Variants in LMNB2 observed in about 807,000 individuals in gnomAD.
LMNB2 encodes the protein lamin-B2.
LMNB2 carries 17 observed loss-of-function variants against 69.3 expected under a neutral mutation model. The observed-to-expected ratio is 0.25, with a 90% confidence interval of 0.17 to 0.37. LMNB2 has a LOEUF of 0.37. LMNB2 is among the 10% of genes least tolerant of loss of function. The pLI, the probability that LMNB2 is intolerant of heterozygous loss-of-function variation, is 1.00. For missense variants in LMNB2, 789 were observed against 883.6 expected (o/e 0.89, Z 1.36); for synonymous variants, 397 against 389.3 (o/e 1.02, Z -0.23).
intron 2 of LMNB2, among the ~76,000 whole-genome samples, chr19:2,440,763 CTATCTATCCAT>C (rs1171496908): frequency 1.3e-5 from 2 of 151,850 alleles, no homozygotes; most frequent in East Asian, 1.9e-4. Context: ...CATCCATCAT[CTATCTATCCAT>C]TATCTATCCA....
At chr19:2,456,636 C>T in intron 1 of LMNB2, 34 bp downstream of exon 1, 2 of 1,445,048 alleles carry the variant, frequency 1.4e-6, no homozygotes, top group Non-Finnish European at 1.8e-6. Flanking sequence ...CTGCCGGCTG[C>T]ACCCCCGCCC....
intron 1 of LMNB2, among the ~76,000 whole-genome samples, chr19:2,450,283 T>C (rs933349366): frequency 2.6e-5 from 4 of 152,006 alleles, no homozygotes; most frequent in Non-Finnish European, 5.9e-5. Context: ...GGGGAAACTA[T>C]CAGCCTGGAG....
At position 2,438,152 on chromosome 19, in the gene LMNB2, C is replaced by A; in HGVS notation, c.684+11G>T. ...CGCTGTGCCAGGCTGGAGGCCAGGC[C>A]ACTCACTCACCTCCTCGAACACACT... On this transcript the variant is annotated intron_variant, in intron 4 of 11. Transcript: ENST00000325327. 1 of 1,613,694 alleles carries A rather than the reference C, an allele frequency of 6.2e-7. No individual in the cohort carries two copies. The highest frequency in any genetic ancestry group is 1.1e-5 in the South Asian group (1 of 91,090).
In LMNB2 at chr19:2,447,225, C is replaced by T. The variant is rs545803416; in HGVS notation, c.265-2685G>A. On this transcript the variant is annotated intron_variant, in intron 1 of 11. Transcript: ENST00000325327. The surrounding 1 kb of genome is among the most constrained non-coding windows in gnomAD (Gnocchi z 4.4). ...CAATGCGGTCCCTCCACCATCCACA[C>T]ACAGGAACATGACCCAGCTGTGTAA... Among the ~76,000 whole-genome samples, 50 of 152,166 alleles carry T rather than the reference C, an allele frequency of 3.3e-4. No homozygotes were observed. Among genetic ancestry groups the T allele is most frequent in the African/African-American group, 1.2e-3 (49 of 41,514 alleles).
chr19:2,435,909 G>A (rs1046891376), intron 4 of LMNB2, among the ~76,000 whole-genome samples: 40 of 152,304 alleles, frequency 2.6e-4, no homozygotes, highest in African/African-American at 9.6e-4. Flanking sequence ...CCAGCACTTT[G>A]GGAGGCTGAG....
chr19:2,450,110 A>G (rs541485616), intron 1 of LMNB2, among the ~76,000 whole-genome samples: 1 of 144,466 alleles, frequency 6.9e-6, no homozygotes, highest in East Asian at 2.3e-4. Context: ...ACATATACAT[A>G]TATATATACA....
At position 2,434,275 on chromosome 19, in the gene LMNB2, A is replaced by T; in HGVS notation, c.1202+20T>A. On this transcript the variant is annotated intron_variant, in intron 7 of 11. Transcript: ENST00000325327. ...CCCTCCTCCTCACTCTGTGCTCCCA[A>T]GCCTCCTGGCCTGCCGCACCTCTCC... 6.2e-7 allele frequency: 1 copy of T among 1,610,494 alleles called. No homozygotes were observed. Among genetic ancestry groups the T allele is most frequent in the Non-Finnish European group, 8.5e-7 (1 of 1,179,086 alleles).
chr19:2,434,111 G>C lies in LMNB2; in HGVS notation c.1203-6C>G. On this transcript the variant is annotated splice_polypyrimidine_tract_variant and splice_region_variant and intron_variant, in intron 7 of 11. Coordinates refer to ENST00000325327, the MANE Select transcript of LMNB2 (RefSeq NM_032737.4). ...GGCTGGGGGACAGCTTCAGCCTGTG[G>C]GGAAGGCAAGGAAGGTGGGACTGGT... 1 of 1,580,280 alleles carries C rather than the reference G, an allele frequency of 6.3e-7. No individual in the cohort carries two copies. Among genetic ancestry groups the C allele is most frequent in the East Asian group, 2.3e-5 (1 of 43,618 alleles).
intron 2 of LMNB2, among the ~76,000 whole-genome samples, chr19:2,439,518 G>A (rs1457964953): frequency 6.6e-6 from 1 of 152,130 alleles, no homozygotes; most frequent in African/African-American, 2.4e-5. Flanking sequence ...GCCCAGTTTT[G>A]ACAACCACAA....
Position 2,443,475 on chromosome 19 carries a change from C to G in LMNB2, c.401+929G>C, listed in dbSNP as rs1971919701. Among the ~76,000 whole-genome samples the G allele has an allele frequency of 6.6e-6, 1 of 151,496 alleles. No individual in the cohort carries two copies. The highest frequency in any genetic ancestry group is 2.4e-5 in the African/African-American group (1 of 41,124). On this transcript the variant is annotated intron_variant, in intron 2 of 11. Transcript: ENST00000325327. The surrounding 1 kb of genome is among the most constrained non-coding windows in gnomAD (Gnocchi z 6.2). Reference sequence around the variant, plus strand: ...ATTCTCAAGCCACTGGCTGCTGTCACCCCCGTACCAGGTGGCCGAGGTGCC... The same window carrying G: ...ATTCTCAAGCCACTGGCTGCTGTCAGCCCCGTACCAGGTGGCCGAGGTGCC...
chr19:2,454,305 A>AG (rs1394935904), intron 1 of LMNB2, among the ~76,000 whole-genome samples: 1 of 151,242 alleles, frequency 6.6e-6, no homozygotes, highest in Non-Finnish European at 1.5e-5. Flanking sequence ...AAAAAAAAAA[A>AG]AAAAAAAAGA....
chr19:2,433,871 G>T lies in LMNB2; in HGVS notation c.1437C>A (p.Ile479=), dbSNP rs770059346. The T allele has an allele frequency of 6.2e-7, 1 of 1,613,134 alleles. No individual in the cohort carries two copies. The change falls in exon 8 of 12, where the codon ATC becomes ATA. Residue 479 remains isoleucine (I), a synonymous_variant. Coordinates refer to ENST00000325327, the MANE Select transcript of LMNB2 (RefSeq NM_032737.4). ...SASGSVSIEE[I]DLEGKFVQLK... ...GCTGCACAAACTTGCCCTCCAGGTC[G>T]ATCTCCTCGATGCTGACGCTACCCG...
At position 2,433,930 on chromosome 19, in the gene LMNB2, C is replaced by T. The variant is rs566078588; in HGVS notation, c.1378G>A (p.Gly460Ser). 204 of 1,612,476 alleles carry T rather than the reference C, an allele frequency of 1.3e-4. 2 individuals are homozygous for T. The highest frequency in any genetic ancestry group is 6.6e-4 in the Middle Eastern group (4 of 6,062). Residue 460 changes from glycine to serine, a missense_variant, in exon 8 of 12, where the codon GGT becomes AGT. Transcript: ENST00000325327. ...GCCTGCTGGGCCAGGTGGAAGCCAC[C>T]GCTGCCACCCGTGCCCGTGCCCAGG... is the stretch of plus-strand genomic sequence containing the variant. ...SVLGTGTGGS[G>S]GFHLAQQASA...
Position 2,434,867 on chromosome 19 carries a change from C to A in LMNB2, c.902G>T (p.Ser301Ile). The change falls in exon 6 of 12, where the codon AGT becomes ATT. Residue 301 changes from serine to isoleucine, a missense_variant. Around this residue, in one of 3 missense-constraint regions of LMNB2, gnomAD observed 609 missense variants for 630.9 expected, o/e 0.97. Transcript: ENST00000325327. ...CTCCTTCAGCTCCTCGCGAGCCGCA[C>A]TGGCCGCCTTGTCGTTCTGGTCAGA... ...LSSDQNDKAA[S>I]AAREELKEAR... is the part of the protein sequence containing the mutation. 1 of 1,608,020 alleles carries A rather than the reference C, an allele frequency of 6.2e-7. No individual in the cohort carries two copies. The highest frequency in any genetic ancestry group is 8.5e-7 in the Non-Finnish European group (1 of 1,179,462).
At chr19:2,448,893 T>A (rs969288739) in intron 1 of LMNB2, among the ~76,000 whole-genome samples, 26 of 152,034 alleles carry the variant, frequency 1.7e-4, no homozygotes, top group Admixed American at 5.9e-4. Flanking sequence ...ACTGCACCTT[T>A]CTTGTGTTTA....
chr19:2,456,890 G>C lies in LMNB2; in HGVS notation c.44C>G (p.Pro15Arg). Reference protein sequence around the residue: ...SPGRRREQRRPRAAATMATPL... With the variant: ...SPGRRREQRRRRAAATMATPL... Reference sequence around the variant, plus strand: ...CGTGGCCATGGTGGCGGCGGCTCGCGGCCTGCGCTGCTCCCGACGGCGGCC... The same window carrying C: ...CGTGGCCATGGTGGCGGCGGCTCGCCGCCTGCGCTGCTCCCGACGGCGGCC... Residue 15 changes from proline to arginine, a missense_variant, in exon 1 of 12, where the codon CCG (proline) becomes CGG (arginine). This residue lies in a region of LMNB2 where 35 missense variants were observed against 23.9 expected (regional missense o/e 1.47). Transcript: ENST00000325327. The C allele has an allele frequency of 9.5e-7, 1 of 1,056,012 alleles. No homozygotes were observed. Among genetic ancestry groups the C allele is most frequent in the African/African-American group, 1.7e-5 (1 of 58,080 alleles). The allele number at this position is 1,056,012 out of a possible 1,614,324, so 65.4% of individuals were successfully genotyped here. A position where few individuals can be genotyped will look rare whatever the true frequency, so the allele number is the denominator to read the frequency against.
intron 3 of LMNB2, 28 bp downstream of exon 3, chr19:2,438,346 TG>T: frequency 6.2e-7 from 1 of 1,613,412 alleles, no homozygotes; most frequent in Non-Finnish European, 8.5e-7. Context: ...TATACCCTGC[TG>T]GGGCGTCCCG....
At chr19:2,451,087 A>G (rs969982376) in intron 1 of LMNB2, among the ~76,000 whole-genome samples, 10 of 152,246 alleles carry the variant, frequency 6.6e-5, no homozygotes, top group African/African-American at 2.2e-4. Flanking sequence ...CTAAAAATAC[A>G]AAAATTAGCT....
chr19:2,456,506 G>A (rs1337845243), intron 1 of LMNB2, among the ~76,000 whole-genome samples, 164 bp downstream of exon 1: 2 of 147,122 alleles, frequency 1.4e-5, no homozygotes, highest in African/African-American at 2.5e-5. Flanking sequence ...ACCTGGCCGA[G>A]CTGCACCCCT....
Sources: gnomAD v4.1 joint callset for allele counts (sites outside exome capture counted in the v4.1 genomes callset) on GRCh38, gnomAD v4.1.1 for gene constraint, gnomAD v4.1.1 regional missense constraint, Gnocchi (gnomAD v3.1) non-coding constraint, MANE v1.5 for transcripts, NCBI Gene and HGNC (gene_info 2026-07-23, HGNC 2026-07-21) for gene names.